CCDC30: variants seen among roughly 807,000 people sequenced by gnomAD.
CCDC30 encodes the protein coiled-coil domain containing 30.
In CCDC30, 70 loss-of-function variants were observed where a neutral mutation model predicts 100.2. The observed-to-expected ratio is 0.70, with a 90% CI of 0.58 to 0.85. The LOEUF (loss-of-function observed/expected upper bound fraction) is 0.85, where lower values mean the gene tolerates loss of function less well. Ranked by LOEUF, CCDC30 falls within the 40% of genes least tolerant of loss-of-function variation. The pLI is 0.00. For missense variants in CCDC30, 652 were observed against 771.2 expected (o/e 0.85, Z 1.83); for synonymous variants, 233 against 269.5 (o/e 0.86, Z 1.33).
At chr1:42,627,205 G>T (rs1195615941) in intron 11 of CCDC30, among the ~76,000 whole-genome samples, 1 of 152,106 alleles carries the variant, frequency 6.6e-6, no homozygotes, top group Non-Finnish European at 1.5e-5. Context: ...GTTATGTTTT[G>T]GCAAAGAGAC....
At chr1:42,622,475 T>C (rs1341063847) in intron 11 of CCDC30, among the ~76,000 whole-genome samples, 1 of 152,210 alleles carries the variant, frequency 6.6e-6, no homozygotes, top group Non-Finnish European at 1.5e-5. Context: ...TGCTCAAATA[T>C]ATGATAGCTC....
At chr1:42,629,715 T>G (rs1646999250) in intron 11 of CCDC30, among the ~76,000 whole-genome samples, 1 of 151,910 alleles carries the variant, frequency 6.6e-6, no homozygotes, top group South Asian at 2.1e-4. Flanking sequence ...CACTGCAACC[T>G]CTGCCTCCCG....
intron 12 of CCDC30, among the ~76,000 whole-genome samples, chr1:42,637,618 A>G (rs1388033470): frequency 1.3e-5 from 2 of 152,214 alleles, no homozygotes; most frequent in African/African-American, 4.8e-5. Flanking sequence ...ACTTATGATC[A>G]ATGTCTTTCT....
chr1:42,591,247 C>T (rs1173248544), intron 10 of CCDC30: 1 of 152,234 alleles, frequency 6.6e-6, no homozygotes, highest in African/African-American at 2.4e-5. Flanking sequence ...GGGAAAAGGC[C>T]TCAAAGGCAA....
At chr1:42,474,203 A>G (rs1643851850) in intron 1 of CCDC30, among the ~76,000 whole-genome samples, 1 of 152,212 alleles carries the variant, frequency 6.6e-6, no homozygotes, top group Non-Finnish European at 1.5e-5. Context: ...ATAGCATCAT[A>G]GAGTGTGAAC....
chr1:42,469,154 G>C (rs767129079), intron 1 of CCDC30, among the ~76,000 whole-genome samples: 2 of 152,144 alleles, frequency 1.3e-5, no homozygotes, highest in Non-Finnish European at 2.9e-5. Flanking sequence ...TGAAATGGGA[G>C]GATCACTTGA....
At chr1:42,486,719 T>C (rs1214141169) in intron 3 of CCDC30, among the ~76,000 whole-genome samples, 1 of 152,214 alleles carries the variant, frequency 6.6e-6, no homozygotes, top group Non-Finnish European at 1.5e-5. Flanking sequence ...GTAGGAAATC[T>C]TAGCTTTGAA....
chr1:42,566,559 T>C (rs1478217827), intron 7 of CCDC30, 84 bp downstream of exon 11: 2 of 1,133,700 alleles, frequency 1.8e-6, no homozygotes, highest in East Asian at 4.8e-5. Flanking sequence ...ACTTGATAAT[T>C]CATGATAGGA....
At chr1:42,500,087 C>G in intron 6 of CCDC30, 1 of 946,466 alleles carries the variant, frequency 1.1e-6, no homozygotes, top group Admixed American at 1.7e-5. Flanking sequence ...AGGGGCAGCA[C>G]AGTCATTTAA....
chr1:42,556,590 A>T (rs1645375589), intron 6 of CCDC30, among the ~76,000 whole-genome samples, 185 bp downstream of exon 10: 1 of 152,224 alleles, frequency 6.6e-6, no homozygotes. Flanking sequence ...CATAAAAACC[A>T]CATATGGAGA....
chr1:42,585,282 T>C (rs1020100866), intron 9 of CCDC30, among the ~76,000 whole-genome samples: 2 of 152,172 alleles, frequency 1.3e-5, no homozygotes, highest in African/African-American at 4.8e-5. Flanking sequence ...ATTTGTCAAA[T>C]AGAGATGAGT....
chr1:42,515,024 A>G (rs186596425), intron 6 of CCDC30, among the ~76,000 whole-genome samples: 12 of 152,318 alleles, frequency 7.9e-5, no homozygotes, highest in African/African-American at 2.9e-4. Context: ...TGTAAATGTG[A>G]CATTATTTGG....
At chr1:42,602,997 C>T (rs1326129930) in intron 10 of CCDC30, among the ~76,000 whole-genome samples, 2 of 152,210 alleles carry the variant, frequency 1.3e-5, no homozygotes, top group African/African-American at 2.4e-5. Context: ...TGTAACTCAT[C>T]GCATCAACAA....
At chr1:42,631,745 C>T (rs1212504769) in intron 11 of CCDC30, among the ~76,000 whole-genome samples, 6 of 152,160 alleles carry the variant, frequency 3.9e-5, no homozygotes, top group South Asian at 2.1e-4. Flanking sequence ...GGACCCTCAC[C>T]TCATAGCCAT....
intron 7 of CCDC30, among the ~76,000 whole-genome samples, chr1:42,568,092 G>A (rs1333545115): frequency 2.0e-5 from 3 of 151,956 alleles, no homozygotes; most frequent in Non-Finnish European, 4.4e-5. Flanking sequence ...ATCCTTTATT[G>A]AGAGTTTGTC....
chr1:42,533,379 G>A (rs1644837515), intron 6 of CCDC30, among the ~76,000 whole-genome samples: 2 of 152,150 alleles, frequency 1.3e-5, no homozygotes, highest in Non-Finnish European at 2.9e-5. Context: ...AAAGAATAAA[G>A]GATTAATTAG....
At chr1:42,606,108 AAC>A (rs1010640739) in intron 10 of CCDC30, among the ~76,000 whole-genome samples, 1 of 152,218 alleles carries the variant, frequency 6.6e-6, no homozygotes, top group African/African-American at 2.4e-5. Context: ...CATTTATGAA[AAC>A]ACACACACAA....
At chr1:42,504,788 C>G (rs918348644) in intron 6 of CCDC30, among the ~76,000 whole-genome samples, 35 of 152,282 alleles carry the variant, frequency 2.3e-4, no homozygotes, top group African/African-American at 8.2e-4. Flanking sequence ...CTAAACATCC[C>G]TCTTTTTAAA....
chr1:42,562,568 G>A (rs1322994914), intron 6 of CCDC30, among the ~76,000 whole-genome samples: 2 of 152,062 alleles, frequency 1.3e-5, no homozygotes, highest in South Asian at 2.1e-4. Context: ...TGACAAAAAC[G>A]CCAAAAGCAA....
Sources: gnomAD v4.1 joint callset for allele counts (sites outside exome capture counted in the v4.1 genomes callset) on GRCh38, gnomAD v4.1.1 for gene constraint, MANE v1.5 for transcripts, NCBI Gene and HGNC (gene_info 2026-07-23, HGNC 2026-07-21) for gene names.